GALNT13: variants seen among roughly 807,000 people sequenced by gnomAD.
GALNT13 encodes UDP-GalNAc:polypeptide N-acetylgalactosaminyltransferase 13.
In GALNT13, 28 loss-of-function variants were observed where a neutral mutation model predicts 64.2. The ratio of observed to expected loss-of-function variants is 0.44; its 90% confidence interval spans 0.32 to 0.60. GALNT13 has a LOEUF of 0.60. GALNT13 is among the 20% of genes least tolerant of loss of function. GALNT13 has a pLI of 0.05. For missense variants in GALNT13, 577 were observed against 669.8 expected (o/e 0.86, Z 1.53); for synonymous variants, 214 against 224.6 (o/e 0.95, Z 0.42).
chr2:153,837,071 G>C, the GALNT13 span, among the ~76,000 whole-genome samples: 1 of 145,400 alleles, frequency 6.9e-6, no homozygotes. Context: ...TAGATCCCTG[G>C]GGAATCGCCA....
the GALNT13 span, among the ~76,000 whole-genome samples, chr2:153,257,943 C>A: frequency 1.6e-3 from 247 of 152,270 alleles, 7 homozygotes; most frequent in East Asian, 0.042. Flanking sequence ...TCATACCATT[C>A]CCTGTACAAG....
At chr2:154,322,439 G>A (rs1201306588) in intron 9 of GALNT13, among the ~76,000 whole-genome samples, 1 of 151,962 alleles carries the variant, frequency 6.6e-6, no homozygotes, top group Admixed American at 6.6e-5. Flanking sequence ...AGGAGCAAGA[G>A]CCAAAAGTAG....
intron 3 of GALNT13, among the ~76,000 whole-genome samples, chr2:153,968,447 G>A (rs542998292): frequency 3.7e-4 from 57 of 152,234 alleles, no homozygotes; most frequent in African/African-American, 1.4e-3. Flanking sequence ...TGCCTCTTGG[G>A]GTTAGAGTAC....
At chr2:153,343,512 TA>T in the GALNT13 span, among the ~76,000 whole-genome samples, 10 of 152,178 alleles carry the variant, frequency 6.6e-5, no homozygotes, top group South Asian at 2.1e-4. Context: ...TTTCTGCTTA[TA>T]AAAAATATGT....
chr2:153,724,087 G>A, the GALNT13 span, among the ~76,000 whole-genome samples: 7 of 140,570 alleles, frequency 5.0e-5, no homozygotes, highest in East Asian at 1.4e-3. Flanking sequence ...AAACAGCATG[G>A]TACTGGTACC....
the GALNT13 span, among the ~76,000 whole-genome samples, chr2:153,115,131 G>C: frequency 0.14 from 20,680 of 151,884 alleles, 1,620 homozygotes; most frequent in Middle Eastern, 0.2. Flanking sequence ...CCAGGTAAAG[G>C]CTTGGCCTCT....
chr2:153,840,529 T>C, the GALNT13 span, among the ~76,000 whole-genome samples: 1 of 152,046 alleles, frequency 6.6e-6, no homozygotes, highest in Non-Finnish European at 1.5e-5. Flanking sequence ...ATTTTTCCCA[T>C]ATGAAAGATA....
the GALNT13 span, among the ~76,000 whole-genome samples, chr2:153,271,649 C>T: frequency 6.6e-6 from 1 of 152,194 alleles, no homozygotes; most frequent in Non-Finnish European, 1.5e-5. Flanking sequence ...ATTCTATGCT[C>T]ATGGATAGGA....
At chr2:153,206,476 T>C in the GALNT13 span, among the ~76,000 whole-genome samples, 1 of 152,118 alleles carries the variant, frequency 6.6e-6, no homozygotes, top group Non-Finnish European at 1.5e-5. Context: ...TGTGATATTT[T>C]GATACAACCT....
chr2:153,085,897 G>A, the GALNT13 span, among the ~76,000 whole-genome samples: 6 of 152,226 alleles, frequency 3.9e-5, no homozygotes, highest in African/African-American at 1.2e-4. Context: ...ATGCCAGCCT[G>A]TGAAAGCAGA....
the GALNT13 span, among the ~76,000 whole-genome samples, chr2:153,132,492 C>T: frequency 4.6e-5 from 7 of 152,124 alleles, no homozygotes; most frequent in African/African-American, 1.4e-4. Context: ...AATGGAAATA[C>T]TAGCCCAACA....
chr2:153,635,463 T>C, the GALNT13 span, among the ~76,000 whole-genome samples: 1 of 149,482 alleles, frequency 6.7e-6, no homozygotes, highest in Non-Finnish European at 1.5e-5. Context: ...TGTATATGTG[T>C]ATACGTTTGT....
chr2:153,438,645 C>A, the GALNT13 span, among the ~76,000 whole-genome samples: 1 of 152,178 alleles, frequency 6.6e-6, no homozygotes, highest in African/African-American at 2.4e-5. Context: ...GCATTCATCA[C>A]GTAGTTCTCG....
the GALNT13 span, among the ~76,000 whole-genome samples, chr2:153,232,594 A>G: frequency 6.6e-6 from 1 of 152,232 alleles, no homozygotes; most frequent in East Asian, 1.9e-4. Context: ...GTATAATAGA[A>G]AAGTGACAAT....
chr2:153,998,742 A>T (rs1029143205), intron 3 of GALNT13, among the ~76,000 whole-genome samples: 3 of 152,056 alleles, frequency 2.0e-5, no homozygotes, highest in Non-Finnish European at 4.4e-5. Flanking sequence ...GGTATTGCCT[A>T]GGGTTTCTTC....
intron 8 of GALNT13, among the ~76,000 whole-genome samples, chr2:154,293,446 G>A (rs1393004326): frequency 6.6e-6 from 1 of 152,124 alleles, no homozygotes; most frequent in Admixed American, 6.5e-5. Flanking sequence ...ATCTATAGAT[G>A]TTGATTTCCC....
intron 4 of GALNT13, among the ~76,000 whole-genome samples, chr2:154,225,148 C>T (rs67863410): frequency 0.089 from 5,614 of 63,154 alleles, 132 homozygotes; most frequent in Non-Finnish European, 0.1. Context: ...AGATAGATGA[C>T]AGATAGATAG....
the GALNT13 span, among the ~76,000 whole-genome samples, chr2:153,246,924 A>G: frequency 1.8e-4 from 27 of 152,376 alleles, no homozygotes; most frequent in African/African-American, 6.3e-4. Context: ...AAAGACATAC[A>G]TAGGCTCAAA....
the GALNT13 span, among the ~76,000 whole-genome samples, chr2:153,600,627 C>T: frequency 9.9e-5 from 15 of 152,054 alleles, no homozygotes; most frequent in South Asian, 2.1e-4. Context: ...ATCCTCCCAA[C>T]GCCATATTTT....
Sources: gnomAD v4.1 joint callset for allele counts (sites outside exome capture counted in the v4.1 genomes callset) on GRCh38, gnomAD v4.1.1 for gene constraint, MANE v1.5 for transcripts, NCBI Gene and HGNC (gene_info 2026-07-23, HGNC 2026-07-21) for gene names.